Variants in RPH3A observed in about 807,000 individuals in gnomAD.
The protein encoded by RPH3A is rabphilin-3A.
In RPH3A, 48 loss-of-function variants were observed where a neutral mutation model predicts 102.2. That is an observed-to-expected ratio of 0.47 (90% CI 0.37 to 0.60). RPH3A has a LOEUF of 0.60. RPH3A is among the 20% of genes least tolerant of loss of function. The probability of loss-of-function intolerance (pLI) is 0.00; values close to 1 mark genes in which losing one functional copy is unlikely to be tolerated. For missense variants in RPH3A, 781 were observed against 910.1 expected (o/e 0.86, Z 1.83); for synonymous variants, 310 against 324.3 (o/e 0.96, Z 0.47).
At position 112,879,130 on chromosome 12, in the gene RPH3A, G is replaced by A. The variant is rs1299906140; in HGVS notation, c.1183G>A (p.Ala395Thr). ...YDSDEATTLG[A>T]LEFSLLYDQD... ...TCTGCCCCCTTCAGCCACCCTGGGT[G>A]CCCTGGAATTCAGCCTTCTCTACGA... Residue 395 changes from alanine (A) to threonine (T), a missense_variant, in exon 14 of 22, where the codon GCC becomes ACC. Physicochemically the swap from Ala to Thr is moderately conservative, Grantham distance 58. Coordinates refer to ENST00000389385, the MANE Select transcript of RPH3A (RefSeq NM_001143854.2). 1.2e-6 allele frequency: 2 copies of A among 1,613,928 alleles called. No homozygotes were observed. Among genetic ancestry groups the A allele is most frequent in the Admixed American group, 1.7e-5 (1 of 59,994 alleles).
At chr12:112,807,121 A>G (rs1351491026) in intron 2 of RPH3A, among the ~76,000 whole-genome samples, 1 of 151,932 alleles carries the variant, frequency 6.6e-6, no homozygotes, top group Non-Finnish European at 1.5e-5. Context: ...CAATCAAGAC[A>G]AATCAAGCAA....
At chr12:112,603,880 C>T (rs2039575623) in intron 1 of RPH3A, among the ~76,000 whole-genome samples, 1 of 152,122 alleles carries the variant, frequency 6.6e-6, no homozygotes, top group Non-Finnish European at 1.5e-5. Context: ...AACCCAGCCC[C>T]CCAGCATACT....
chr12:112,859,206 C>T (rs988147676), intron 5 of RPH3A, among the ~76,000 whole-genome samples: 2 of 152,202 alleles, frequency 1.3e-5, no homozygotes, highest in African/African-American at 4.8e-5. Context: ...GTTTCTGTCT[C>T]AGGATCTGAG....
intron 1 of RPH3A, among the ~76,000 whole-genome samples, chr12:112,743,426 CAT>C (rs2040723902): frequency 1.3e-5 from 2 of 152,118 alleles, no homozygotes; most frequent in South Asian, 2.1e-4. Context: ...GGGGTTTTTC[CAT>C]AGAGACTACA....
At chr12:112,798,143 C>T (rs115911189) in intron 2 of RPH3A, among the ~76,000 whole-genome samples, 2,379 of 152,274 alleles carry the variant, frequency 0.016, 64 homozygotes, top group African/African-American at 0.054. Context: ...ATATAACACA[C>T]GCTTAAATCT....
At chr12:112,756,061 A>G (rs1172175191) in intron 1 of RPH3A, among the ~76,000 whole-genome samples, 3 of 152,176 alleles carry the variant, frequency 2.0e-5, no homozygotes, top group African/African-American at 7.2e-5. Context: ...ATTAATAACA[A>G]TTTATTGTAT....
chr12:112,575,659 G>A (rs1394181388), intron 1 of RPH3A, among the ~76,000 whole-genome samples: 1 of 152,056 alleles, frequency 6.6e-6, no homozygotes, highest in Non-Finnish European at 1.5e-5. Context: ...CGGTAGCCAC[G>A]GGGTGTCGGA....
intron 5 of RPH3A, among the ~76,000 whole-genome samples, chr12:112,851,569 G>A (rs2042323036): frequency 6.6e-6 from 1 of 152,190 alleles, no homozygotes; most frequent in African/African-American, 2.4e-5. Flanking sequence ...TTACCAGGAA[G>A]CATTGCCTCC....
In RPH3A at chr12:112,621,010, AT is replaced by A. The variant is rs1324365562; in HGVS notation, c.-140+45704del. Among the ~76,000 whole-genome samples, 929 of 146,152 alleles carry A rather than the reference AT, an allele frequency of 6.4e-3. 11 individuals are homozygous for A. Among genetic ancestry groups the A allele is most frequent in the African/African-American group, 0.018 (731 of 39,906 alleles). On this transcript the variant is annotated intron_variant, in intron 1 of 21. Coordinates refer to the RPH3A transcript ENST00000543106. The stretch of plus-strand genomic sequence containing the variant: ...TATCTTCCTATTTTTTAACATTATT[AT>A]TTTTTTTTTTTTGTAGAGATAGGGT...
In RPH3A at chr12:112,890,936, G is replaced by A. The variant is rs1195103757; in HGVS notation, c.1708G>A (p.Gly570Ser). The change falls in exon 19 of 22, where the codon GGC (glycine) becomes AGC (serine). Residue 570 changes from glycine to serine, a missense_variant. Coordinates refer to ENST00000389385, the MANE Select transcript of RPH3A (RefSeq NM_001143854.2). ...YSTQQGGLIV[G>S]IIRCVHLAAM... Reference sequence around the variant, plus strand: ...CACACAGCAGGGAGGCCTCATTGTGGGCATCATACGCTGCGTGCACCTGGC... The same window carrying A: ...CACACAGCAGGGAGGCCTCATTGTGAGCATCATACGCTGCGTGCACCTGGC... 5 of 1,614,118 alleles carry A rather than the reference G, an allele frequency of 3.1e-6. No individual in the cohort carries two copies. In the South Asian group the frequency reaches 3.3e-5, roughly 11 times the overall value.
At chr12:112,687,258 G>T (rs2040272351) in intron 1 of RPH3A, among the ~76,000 whole-genome samples, 1 of 152,192 alleles carries the variant, frequency 6.6e-6, no homozygotes, top group Admixed American at 6.5e-5. Context: ...TTCAATGGGG[G>T]ATATCAAGGA....
At chr12:112,621,944 G>A (rs1469297129) in intron 1 of RPH3A, among the ~76,000 whole-genome samples, 1 of 150,716 alleles carries the variant, frequency 6.6e-6, no homozygotes, top group Non-Finnish European at 1.5e-5. Flanking sequence ...CCCAGCAGGG[G>A]CACACTGACA....
intron 1 of RPH3A, among the ~76,000 whole-genome samples, chr12:112,761,703 G>T (rs1592984867): frequency 6.6e-6 from 1 of 152,198 alleles, no homozygotes; most frequent in African/African-American, 2.4e-5. Flanking sequence ...AGCCCACAAG[G>T]ACACCCGCTG....
At chr12:112,657,437 TTTA>T (rs1221908272) in intron 1 of RPH3A, among the ~76,000 whole-genome samples, 1 of 152,202 alleles carries the variant, frequency 6.6e-6, no homozygotes, top group Admixed American at 6.5e-5. Context: ...GACATAGACA[TTTA>T]TTATTATTAT....
At chr12:112,733,213 G>A (rs1457996564) in intron 1 of RPH3A, among the ~76,000 whole-genome samples, 1 of 151,994 alleles carries the variant, frequency 6.6e-6, no homozygotes, top group African/African-American at 2.4e-5. Flanking sequence ...ACACACACCT[G>A]CACACATACC....
At chr12:112,661,701 G>T (rs140537458) in intron 1 of RPH3A, among the ~76,000 whole-genome samples, 2,165 of 152,260 alleles carry the variant, frequency 0.014, 58 homozygotes, top group African/African-American at 0.049. Flanking sequence ...GCTGTGGGCT[G>T]CAGAGTTTTG....
chr12:112,693,108 G>T (rs528585602), intron 1 of RPH3A, among the ~76,000 whole-genome samples: 1 of 152,338 alleles, frequency 6.6e-6, no homozygotes, highest in Admixed American at 6.5e-5. Flanking sequence ...CTTGGTTTTT[G>T]ACTCTTGCTC....
chr12:112,599,722 G>A (rs906006449), intron 1 of RPH3A, among the ~76,000 whole-genome samples: 1 of 152,098 alleles, frequency 6.6e-6, no homozygotes, highest in Non-Finnish European at 1.5e-5. Context: ...CCATGTAGAA[G>A]GCAAAGTGTT....
chr12:112,654,602 G>A (rs1022449484), intron 1 of RPH3A, among the ~76,000 whole-genome samples: 1 of 152,078 alleles, frequency 6.6e-6, no homozygotes, highest in African/African-American at 2.4e-5. Context: ...GAAATCCCTT[G>A]AGTATCTTCT....
Sources: allele counts gnomAD v4.1 joint callset (sites outside exome capture counted in the v4.1 genomes callset), GRCh38; gene constraint gnomAD v4.1.1; transcripts MANE v1.5; gene names NCBI Gene and HGNC (gene_info 2026-07-23, HGNC 2026-07-21).